The following AKT3 variants were observed in gnomAD, a reference collection of about 807,000 sequenced individuals.
The protein encoded by AKT3 is RAC-gamma serine/threonine-protein kinase.
A neutral mutation model predicts 65.3 loss-of-function variants in AKT3; 15 were observed. That is an observed-to-expected ratio of 0.23 (90% CI 0.15 to 0.35). AKT3 has a LOEUF of 0.35. AKT3 is among the 10% of genes least tolerant of loss of function. The pLI is 1.00. For synonymous variants in AKT3, 206 were observed against 183.8 expected (o/e 1.12, Z -0.98); for missense variants, 243 against 576.5 (o/e 0.42, Z 5.92).
At chr1:243,658,864 CAAAAAAAA>C (rs58117921) in intron 4 of AKT3, among the ~76,000 whole-genome samples, 4 of 82,922 alleles carry the variant, frequency 4.8e-5, no homozygotes, top group Non-Finnish European at 9.7e-5. Flanking sequence ...CTTGTCTCTA[CAAAAAAAA>C]AAAAAAAAAA....
At chr1:243,596,025 T>C (rs116308871) in intron 8 of AKT3, among the ~76,000 whole-genome samples, 417 of 152,368 alleles carry the variant, frequency 2.7e-3, no homozygotes, top group African/African-American at 9.7e-3. Flanking sequence ...AGTAATGCAC[T>C]GCAGTATGAC....
At chr1:243,674,664 T>C (rs749837681) in intron 3 of AKT3, among the ~76,000 whole-genome samples, 1 of 152,168 alleles carries the variant, frequency 6.6e-6, no homozygotes. Flanking sequence ...GCTGGACTAG[T>C]AGGGACTTAA....
intron 4 of AKT3, among the ~76,000 whole-genome samples, chr1:243,659,835 C>G (rs1046701457): frequency 3.3e-5 from 5 of 152,196 alleles, no homozygotes; most frequent in Non-Finnish European, 7.3e-5. Context: ...CTAACCCTCT[C>G]TAAGTCTTCA....
chr1:243,516,607 C>T (rs1466376500), intron 12 of AKT3, among the ~76,000 whole-genome samples: 1 of 152,034 alleles, frequency 6.6e-6, no homozygotes, highest in East Asian at 1.9e-4. Context: ...GGCTAGAGTG[C>T]AGGGATGTGA....
intron 12 of AKT3, among the ~76,000 whole-genome samples, chr1:243,523,079 G>C (rs983362443): frequency 2.0e-5 from 3 of 152,124 alleles, no homozygotes; most frequent in African/African-American, 7.2e-5. Context: ...TTGAGGCATA[G>C]GGGCAGGCAG....
At chr1:243,829,432 G>A (rs1024033172) in intron 2 of AKT3, among the ~76,000 whole-genome samples, 3 of 151,518 alleles carry the variant, frequency 2.0e-5, no homozygotes, top group Admixed American at 6.6e-5. Context: ...ATTTTACAAG[G>A]CAAAAATATA....
At chr1:243,643,923 TTA>T (rs1680622773) in intron 5 of AKT3, among the ~76,000 whole-genome samples, 1 of 152,190 alleles carries the variant, frequency 6.6e-6, no homozygotes, top group Non-Finnish European at 1.5e-5. Context: ...CTAGAATCAT[TTA>T]TCTTATGAAA....
At chr1:243,573,257 T>C (rs888034213) in intron 8 of AKT3, among the ~76,000 whole-genome samples, 5 of 152,162 alleles carry the variant, frequency 3.3e-5, no homozygotes, top group African/African-American at 9.7e-5. Flanking sequence ...TTTTAATCAA[T>C]ATACCAATCT....
At chr1:243,685,017 G>C (rs1040079518) in intron 3 of AKT3, among the ~76,000 whole-genome samples, 12 of 151,810 alleles carry the variant, frequency 7.9e-5, no homozygotes, top group African/African-American at 2.7e-4. Flanking sequence ...TTTTCCTGTA[G>C]ATTTGTTTAA....
intron 2 of AKT3, among the ~76,000 whole-genome samples, chr1:243,705,639 G>A (rs933482865): frequency 2.6e-5 from 4 of 152,144 alleles, no homozygotes; most frequent in Non-Finnish European, 5.9e-5. Context: ...GGCATTGGGT[G>A]GAGACACAGA....
At chr1:243,540,635 C>G (rs1001761144) in intron 12 of AKT3, among the ~76,000 whole-genome samples, 2 of 152,078 alleles carry the variant, frequency 1.3e-5, no homozygotes, top group African/African-American at 4.8e-5. Context: ...CAGTGCAATA[C>G]TATTAACTAA....
rs771831228 is a variant in AKT3 at position 243,815,430 on chromosome 1, C to G, written c.46+27695G>C. Among the ~76,000 whole-genome samples, 3 of 152,174 alleles carry G rather than the reference C, an allele frequency of 2.0e-5. No individual in the cohort carries two copies. The South Asian group carries it at 6.2e-4, about 32-fold the overall frequency. On this transcript the variant is annotated intron_variant, in intron 2 of 13. Coordinates refer to ENST00000673466, the MANE Select transcript of AKT3 (RefSeq NM_005465.7). ...TTTTTCTCACTTTCCTTTAAGCCCT[C>G]GAGCAAAGCCTTCTCAAAGGCTTCT...
At chr1:243,531,772 GTCT>G (rs1034295925) in intron 12 of AKT3, among the ~76,000 whole-genome samples, 17 of 152,046 alleles carry the variant, frequency 1.1e-4, no homozygotes, top group African/African-American at 3.9e-4. Context: ...ATTCATTTAT[GTCT>G]TCTTTTATTT....
chr1:243,832,729 A>T (rs1251137059), intron 2 of AKT3, among the ~76,000 whole-genome samples: 1 of 152,200 alleles, frequency 6.6e-6, no homozygotes, highest in African/African-American at 2.4e-5. Context: ...GACAGAGTTC[A>T]GAGCTGCCAA....
intron 4 of AKT3, among the ~76,000 whole-genome samples, chr1:243,650,842 C>T (rs1291974999): frequency 6.6e-6 from 1 of 152,090 alleles, no homozygotes; most frequent in African/African-American, 2.4e-5. Context: ...AGCATGATGC[C>T]TCCAGCTTTG....
At chr1:243,766,511 G>T (rs913914702) in intron 2 of AKT3, among the ~76,000 whole-genome samples, 2 of 152,098 alleles carry the variant, frequency 1.3e-5, no homozygotes, top group African/African-American at 2.4e-5. Context: ...CAGTAATACA[G>T]GTAAAGAGAT....
At chr1:243,769,256 ATAC>A (rs1356437407) in intron 2 of AKT3, among the ~76,000 whole-genome samples, 2 of 152,184 alleles carry the variant, frequency 1.3e-5, no homozygotes, top group African/African-American at 2.4e-5. Flanking sequence ...GCAATTACGA[ATAC>A]TACTACTACA....
chr1:243,805,653 C>T (rs1033495673), intron 2 of AKT3, among the ~76,000 whole-genome samples: 4 of 152,112 alleles, frequency 2.6e-5, no homozygotes, highest in African/African-American at 4.8e-5. Context: ...TCATGCACAC[C>T]GCTGTATGTG....
At chr1:243,544,712 T>TG (rs534395160) in intron 12 of AKT3, among the ~76,000 whole-genome samples, 401 of 148,452 alleles carry the variant, frequency 2.7e-3, no homozygotes, top group Non-Finnish European at 5.3e-3. Context: ...TTTGTTTTTT[T>TG]TTTTTTTAAG....
Sources: allele counts gnomAD v4.1 joint callset (sites outside exome capture counted in the v4.1 genomes callset), GRCh38; gene constraint gnomAD v4.1.1; transcripts MANE v1.5; gene names NCBI Gene and HGNC (gene_info 2026-07-23, HGNC 2026-07-21).